IL17RA: variants seen among roughly 807,000 people sequenced by gnomAD.
The protein encoded by IL17RA is interleukin-17 receptor A.
In IL17RA, 34 loss-of-function variants were observed where a neutral mutation model predicts 50.4. The ratio of observed to expected loss-of-function variants is 0.67; its 90% CI spans 0.51 to 0.90. The LOEUF is 0.90. Ranked by LOEUF, IL17RA falls within the 40% of genes least tolerant of loss-of-function variation. The pLI, the probability that IL17RA is intolerant of heterozygous loss-of-function variation, is 0.00. For synonymous variants in IL17RA, 585 were observed against 510.4 expected, an observed-to-expected ratio of 1.15 and a Z score of -1.97; for missense variants, 1,276 against 1,169.8, an observed-to-expected ratio of 1.09 and a Z score of -1.32.
intron 1 of IL17RA, among the ~76,000 whole-genome samples, chr22:17,096,436 C>T (rs528833313): frequency 6.6e-5 from 10 of 152,188 alleles, no homozygotes; most frequent in East Asian, 3.9e-4. Context: ...TCACCCCTTC[C>T]GCACCTCTTG....
At chr22:17,096,914 A>C in intron 1 of IL17RA, 148 bp from the exon 2 acceptor site, 1 of 751,490 alleles carries the variant, frequency 1.3e-6, no homozygotes, top group Non-Finnish European at 2.4e-6. Flanking sequence ...CATCCCCTGG[A>C]CTCACTCCTC....
At chr22:17,087,913 G>A (rs1218315842) in intron 1 of IL17RA, among the ~76,000 whole-genome samples, 1 of 152,152 alleles carries the variant, frequency 6.6e-6, no homozygotes, top group African/African-American at 2.4e-5. Flanking sequence ...TTTGACTTGT[G>A]GTTGTAGAAC....
chr22:17,093,335 A>G (rs775106826), intron 1 of IL17RA, among the ~76,000 whole-genome samples: 1 of 152,136 alleles, frequency 6.6e-6, no homozygotes, highest in Non-Finnish European at 1.5e-5. Flanking sequence ...CCTGGCTGCC[A>G]GCATTCTGAG....
chr22:17,100,158 AAAAC>A (rs1406578161), intron 4 of IL17RA, among the ~76,000 whole-genome samples, 193 bp from the exon 5 acceptor site: 3 of 150,322 alleles, frequency 2.0e-5, no homozygotes, highest in East Asian at 3.9e-4. Context: ...AAAAAAAAAA[AAAAC>A]AGGCAGAAAG....
At position 17,115,162 on chromosome 22, in the gene IL17RA, A is replaced by G. The variant is rs2061462355; in HGVS notation, c.*5342A>G. The G allele has an allele frequency of 6.6e-6, 1 of 152,250 alleles. No individual in the cohort carries two copies. Among genetic ancestry groups the G allele is most frequent in the Non-Finnish European group, 1.5e-5 (1 of 68,040 alleles). 9.4% of individuals were successfully genotyped at this position (152,250 alleles called of 1,614,324 possible). A position where few individuals can be genotyped will look rare whatever the true frequency, so the allele number is the denominator to read the frequency against. On this transcript the variant is annotated 3_prime_UTR_variant, in exon 13 of 13. Transcript: ENST00000319363. ...GCGCCAGCTTGCTTCCCTAGAAGAC[A>G]TTTCTAAATATTCATAACATGCTTG... is the stretch of plus-strand genomic sequence containing the variant.
In IL17RA at chr22:17,102,356, C is replaced by T. The variant is rs1285848729; in HGVS notation, c.762+54C>T. The T allele has an allele frequency of 3.2e-6, 5 of 1,583,160 alleles. No homozygotes were observed. In the African/African-American group the frequency reaches 4.0e-5, roughly 13 times the overall value. ...CATAGCTCAGGACCACCCCTCCAAG[C>T]CCTGAGTCTCTTCTCTGCTGGTCTG... On this transcript the variant is annotated intron_variant, in intron 7 of 12. Transcript: ENST00000319363.
Position 17,109,309 on chromosome 22 carries a change from C to T in IL17RA, c.2090C>T (p.Ala697Val), listed in dbSNP as rs754574936. The T allele has an allele frequency of 5.9e-6, 9 of 1,528,270 alleles. No individual in the cohort carries two copies. In the African/African-American group the frequency reaches 8.2e-5, roughly 14 times the overall value. The allele number at this position is 1,528,270 out of a possible 1,614,324, so 94.7% of individuals were successfully genotyped here. The change falls in exon 13 of 13, where the codon GCG becomes GTG. Residue 697 changes from alanine to valine, a missense_variant. Coordinates refer to ENST00000319363, the MANE Select transcript of IL17RA (RefSeq NM_014339.7). ...GGTGCCGCAGTCCGGCTGGCACTGG[C>T]GGGGGAGGGCGAGGCCTGCCCGCTG... is the stretch of plus-strand genomic sequence containing the variant. ...ADGAAVRLAL[A>V]GEGEACPLLG... is the part of the protein sequence containing the mutation.
intron 2 of IL17RA, chr22:17,097,570 T>C (rs982779566): frequency 9.7e-5 from 58 of 596,168 alleles, no homozygotes; most frequent in Middle Eastern, 4.4e-4. Context: ...TTGTGTACTT[T>C]GTCTTCTCTC....
At chr22:17,106,006 A>G (rs2061413519) in intron 11 of IL17RA, 52 bp downstream of exon 11, 1 of 1,330,444 alleles carries the variant, frequency 7.5e-7, no homozygotes, top group Admixed American at 1.7e-5. Flanking sequence ...TACCAGCACC[A>G]CCACTCACTA....
chr22:17,095,692 A>G (rs914861256), intron 1 of IL17RA, among the ~76,000 whole-genome samples: 1 of 150,148 alleles, frequency 6.7e-6, no homozygotes, highest in Admixed American at 7.0e-5. Context: ...AAAGAGTGAC[A>G]TTTATTAGTG....
At chr22:17,101,686 A>G (rs1382161785) in intron 5 of IL17RA, among the ~76,000 whole-genome samples, 4 of 152,220 alleles carry the variant, frequency 2.6e-5, no homozygotes, top group Non-Finnish European at 5.9e-5. Flanking sequence ...GTGCAAAGAC[A>G]GGGGCAGCCG....
chr22:17,085,694 C>T (rs1313243746), intron 1 of IL17RA, among the ~76,000 whole-genome samples: 2 of 152,144 alleles, frequency 1.3e-5, no homozygotes, highest in South Asian at 2.1e-4. Context: ...GGTCGGCCCT[C>T]GGGAGGCCCA....
intron 7 of IL17RA, among the ~76,000 whole-genome samples, chr22:17,103,156 ATAAAGG>A (rs1024385332): frequency 6.6e-6 from 1 of 152,210 alleles, no homozygotes; most frequent in Non-Finnish European, 1.5e-5. Context: ...AAAAAAAGAA[ATAAAGG>A]TAATACGATG....
intron 12 of IL17RA, 49 bp downstream of exon 12, chr22:17,107,817 G>T (rs979461305): frequency 1.3e-6 from 2 of 1,540,068 alleles, no homozygotes; most frequent in East Asian, 4.5e-5. Flanking sequence ...AGCAGTGGAG[G>T]GTTCTCCTGG....
chr22:17,086,406 T>C (rs2123788078), intron 1 of IL17RA, among the ~76,000 whole-genome samples: 1 of 151,212 alleles, frequency 6.6e-6, no homozygotes, highest in South Asian at 2.1e-4. Flanking sequence ...TCGTGAATGA[T>C]GTTGAGAAAT....
At chr22:17,099,044 A>G (rs911271951) in intron 4 of IL17RA, among the ~76,000 whole-genome samples, 157 bp downstream of exon 4, 3 of 152,222 alleles carry the variant, frequency 2.0e-5, no homozygotes, top group African/African-American at 7.2e-5. Flanking sequence ...GGCAGAAGTC[A>G]AAAGAGAAGT....
chr22:17,107,875 A>G (rs531438892), intron 12 of IL17RA, 107 bp downstream of exon 12: 221 of 970,292 alleles, frequency 2.3e-4, no homozygotes, highest in Non-Finnish European at 2.3e-4. Context: ...AAGTCCCTTC[A>G]GGAGACCCCA....
intron 1 of IL17RA, among the ~76,000 whole-genome samples, chr22:17,089,311 G>A (rs1296066172): frequency 6.6e-6 from 1 of 152,172 alleles, no homozygotes; most frequent in East Asian, 1.9e-4. Context: ...AGCTCTGTGG[G>A]ACCTTGAGCC....
chr22:17,103,143 T>TA (rs35507642), intron 7 of IL17RA, among the ~76,000 whole-genome samples: 18 of 150,972 alleles, frequency 1.2e-4, no homozygotes, highest in South Asian at 4.2e-4. Flanking sequence ...ACTCCATCTC[T>TA]AAAAAAAAAG....
Sources: gnomAD v4.1 joint callset for allele counts (sites outside exome capture counted in the v4.1 genomes callset) on GRCh38, gnomAD v4.1.1 for gene constraint, MANE v1.5 for transcripts, NCBI Gene and HGNC (gene_info 2026-07-23, HGNC 2026-07-21) for gene names.